ZNF799: variants seen among roughly 807,000 people sequenced by gnomAD.
ZNF799 encodes the protein zinc finger protein 799.
A neutral mutation model predicts 41.0 loss-of-function variants in ZNF799; 28 were observed. That is an observed-to-expected ratio of 0.68 (90% CI 0.51 to 0.94). The LOEUF (loss-of-function observed/expected upper bound fraction) is 0.94, where lower values mean the gene tolerates loss of function less well. Among genes scored for constraint, ZNF799 ranks in the 40% least tolerant of loss-of-function variants. The pLI is 0.00. For synonymous variants in ZNF799, 213 were observed against 252.9 expected (o/e 0.84, Z 1.50); for missense variants, 716 against 764.3 (o/e 0.94, Z 0.74).
At chr19:12,398,221 T>G (rs554579982) in intron 1 of ZNF799, 2 of 142,446 alleles carry the variant, frequency 1.4e-5, no homozygotes, top group African/African-American at 5.4e-5. Context: ...ATCGTGCCAC[T>G]GCACTCCAGC....
chr19:12,410,963 G>GA, the ZNF799 span, among the ~76,000 whole-genome samples: 5 of 152,274 alleles, frequency 3.3e-5, no homozygotes, highest in African/African-American at 1.2e-4. Context: ...ACCAGACCAG[G>GA]ATGGTTTCAC....
chr19:12,404,415 G>GTC (rs200041408), upstream of ZNF799, among the ~76,000 whole-genome samples: 22 of 151,978 alleles, frequency 1.4e-4, no homozygotes, highest in African/African-American at 3.9e-4. Context: ...TATTGTATTG[G>GTC]TCTCTCTCTC....
At chr19:12,399,749 T>C (rs989217679) in intron 1 of ZNF799, among the ~76,000 whole-genome samples, 4 of 149,584 alleles carry the variant, frequency 2.7e-5, no homozygotes, top group African/African-American at 9.9e-5. Context: ...GCTCCAGCCA[T>C]CATCCCACCT....
chr19:12,401,569 C>CGAGAGAGAGAGAGAGAGAGAGAGA (rs142456121), upstream of ZNF799, among the ~76,000 whole-genome samples: 22 of 78,458 alleles, frequency 2.8e-4, no homozygotes, highest in African/African-American at 1.2e-3. Flanking sequence ...TTTTTTTTTC[C>CGAGAGAGAGAGAGAGAGAGAGAGA]GAGAGAGAGA....
intron 1 of ZNF799, among the ~76,000 whole-genome samples, chr19:12,397,621 T>C (rs1209379675): frequency 7.0e-6 from 1 of 142,346 alleles, no homozygotes; most frequent in Non-Finnish European, 1.5e-5. Flanking sequence ...AGACTTACCA[T>C]ACTATTAGAA....
upstream of ZNF799, among the ~76,000 whole-genome samples, chr19:12,401,516 T>G (rs10419804): frequency 0.028 from 4,216 of 149,462 alleles, 211 homozygotes; most frequent in African/African-American, 0.099. Flanking sequence ...CTTCCTCCTG[T>G]ACACTGACTG....
chr19:12,395,734 C>T (rs1969886058), intron 1 of ZNF799, among the ~76,000 whole-genome samples: 1 of 152,198 alleles, frequency 6.6e-6, no homozygotes, highest in Non-Finnish European at 1.5e-5. Context: ...AAGAAACCCT[C>T]ATTTTCACTT....
upstream of ZNF799, among the ~76,000 whole-genome samples, chr19:12,402,715 T>C (rs551000434): frequency 1.3e-5 from 2 of 152,212 alleles, no homozygotes; most frequent in South Asian, 4.1e-4. Context: ...CCCTTTATTC[T>C]GTTGAAATGA....
At chr19:12,400,118 C>T (rs1969953849) in intron 1 of ZNF799, among the ~76,000 whole-genome samples, 1 of 152,146 alleles carries the variant, frequency 6.6e-6, no homozygotes, top group Admixed American at 6.5e-5. Flanking sequence ...GCTGCCAGCC[C>T]TAGGAGGAGT....
chr19:12,396,069 G>C (rs1969890273), intron 1 of ZNF799, among the ~76,000 whole-genome samples: 1 of 152,116 alleles, frequency 6.6e-6, no homozygotes, highest in South Asian at 2.1e-4. Context: ...AAAACAGTGA[G>C]GAAAGAAGAA....
chr19:12,398,836 C>T (rs1233049745), intron 1 of ZNF799, among the ~76,000 whole-genome samples: 1 of 152,004 alleles, frequency 6.6e-6, no homozygotes, highest in African/African-American at 2.4e-5. Flanking sequence ...TCCTGAAATT[C>T]CATCTGAAAT....
the ZNF799 span, among the ~76,000 whole-genome samples, chr19:12,408,779 A>T: frequency 4.6e-5 from 7 of 152,226 alleles, no homozygotes; most frequent in Admixed American, 2.0e-4. Flanking sequence ...CACGCCTGTC[A>T]TCCCAGCACT....
the ZNF799 span, among the ~76,000 whole-genome samples, chr19:12,411,432 A>G: frequency 6.6e-6 from 1 of 152,178 alleles, no homozygotes; most frequent in African/African-American, 2.4e-5. Flanking sequence ...AGGTATTAGC[A>G]GGCAACGATA....
chr19:12,397,804 C>G lies in ZNF799; in HGVS notation c.3+3264G>C, dbSNP rs534176339. Among the ~76,000 whole-genome samples the G allele has an allele frequency of 2.0e-5, 3 of 151,926 alleles. No individual in the cohort carries two copies. The South Asian group carries it at 6.2e-4, about 32-fold the overall frequency. ...ATATGAATATACCAATAAAAGAAGA[C>G]AAGGACTGACACAGTAGAAAAAAAA... is the stretch of plus-strand genomic sequence containing the variant. On this transcript the variant is annotated intron_variant, in intron 1 of 3. Transcript: ENST00000430385.
the ZNF799 span, among the ~76,000 whole-genome samples, chr19:12,408,074 AGC>A: frequency 6.6e-6 from 1 of 152,078 alleles, no homozygotes; most frequent in Non-Finnish European, 1.5e-5. Flanking sequence ...TGGGATCTTG[AGC>A]CCAGGAGTTT....
upstream of ZNF799, among the ~76,000 whole-genome samples, chr19:12,406,254 C>T (rs111485121): frequency 3.7e-3 from 552 of 148,832 alleles, 2 homozygotes; most frequent in African/African-American, 0.013. Flanking sequence ...CCGAGGCAGG[C>T]GGATCACGAG....
the ZNF799 span, among the ~76,000 whole-genome samples, chr19:12,413,523 C>T: frequency 1.3e-5 from 2 of 152,232 alleles, no homozygotes; most frequent in Admixed American, 1.3e-4. Context: ...GAAAAATGTT[C>T]TGCACCAATG....
intron 1 of ZNF799, among the ~76,000 whole-genome samples, chr19:12,397,189 T>A (rs890328383): frequency 1.8e-4 from 27 of 152,142 alleles, no homozygotes; most frequent in Non-Finnish European, 1.3e-4. Context: ...GCCAGTACAG[T>A]GTTACTTAAA....
chr19:12,401,224 G>A lies in ZNF799; in HGVS notation c.-154C>T. ...AGCGCAGGTGGGTGGAGAAGACGCC[G>A]CGGGCTTTTTCAACCACACACTCCT... On this transcript the variant is annotated 5_prime_UTR_variant, in exon 1 of 4. Coordinates refer to ENST00000430385, the MANE Select transcript of ZNF799 (RefSeq NM_001080821.3). 2 of 1,487,918 alleles carry A rather than the reference G, an allele frequency of 1.3e-6. No homozygotes were observed. The highest frequency in any genetic ancestry group is 9.0e-7 in the Non-Finnish European group (1 of 1,115,442). The allele number at this position is 1,487,918 out of a possible 1,614,324, so 92.2% of individuals were successfully genotyped here. A position where few individuals can be genotyped will look rare whatever the true frequency, so the allele number is the denominator to read the frequency against.
Sources: allele counts gnomAD v4.1 joint callset (sites outside exome capture counted in the v4.1 genomes callset), GRCh38; gene constraint gnomAD v4.1.1; transcripts MANE v1.5; gene names NCBI Gene and HGNC (gene_info 2026-07-23, HGNC 2026-07-21).